B9D2: variants seen among roughly 807,000 people sequenced by gnomAD.
B9D2 encodes B9 domain-containing protein 2.
In B9D2, 21 loss-of-function variants were observed where a neutral mutation model predicts 19.2. That is an observed-to-expected ratio of 1.09 (90% CI 0.78 to 1.58). B9D2 has a LOEUF of 1.58. Among genes scored for constraint, B9D2 ranks in the 40% most tolerant of loss-of-function variants. B9D2 has a pLI of 0.00. For synonymous variants in B9D2, 91 were observed against 100.6 expected (o/e 0.90, Z 0.57); for missense variants, 221 against 244.3 (o/e 0.90, Z 0.64).
At position 41,354,886 on chromosome 19, in the gene B9D2, C is replaced by G. The variant is rs1024248441; in HGVS notation, c.342G>C (p.Arg114=). ...GTHQLACPTW[R]PLGSWREQLA... ...ACTGTTCTCGCCAACTGCCCAGGGG[C>G]CGCCACGTGGGGCAGGCCAGCTGGT... The change falls in exon 4 of 4, where the codon CGG becomes CGC. Residue 114 remains arginine, a synonymous_variant. Coordinates refer to ENST00000243578, the MANE Select transcript of B9D2 (RefSeq NM_030578.4). 3 of 1,613,636 alleles carry G rather than the reference C, an allele frequency of 1.9e-6. No individual in the cohort carries two copies. The African/African-American group carries it at 4.0e-5, about 22-fold the overall frequency.
intron 3 of B9D2, among the ~76,000 whole-genome samples, chr19:41,356,999 C>T (rs932593242): frequency 2.0e-5 from 3 of 152,210 alleles, no homozygotes; most frequent in African/African-American, 4.8e-5. Flanking sequence ...CCCGCTCTCC[C>T]TCAATCCACT....
Position 41,361,836 on chromosome 19 carries a change from T to C in B9D2, c.88+1596A>G, listed in dbSNP as rs1359007979. 3.2e-5 allele frequency among the ~76,000 whole-genome samples: 2 copies of C among 63,000 alleles called. 1 individual carries two copies. The highest frequency in any genetic ancestry group is 3.2e-4 in the Admixed American group (2 of 6,348). 41.3% of individuals were successfully genotyped at this position (63,000 alleles called of 152,430 possible). ...GGCTCACGCCTGTAATCCCAGCACT[T>C]TGGAAGGCCTACGCAGGCGGATCAC... On this transcript the variant is annotated intron_variant, in intron 2 of 3. Transcript: ENST00000243578.
chr19:41,355,988 G>A (rs1399136642), intron 3 of B9D2, among the ~76,000 whole-genome samples: 2 of 152,170 alleles, frequency 1.3e-5, no homozygotes, highest in Non-Finnish European at 2.9e-5. Flanking sequence ...GGACTGTCTG[G>A]TGGGGACAGT....
In B9D2 at chr19:41,354,817, C is replaced by T; in HGVS notation, c.411G>A (p.Gly137=). The T allele has an allele frequency of 6.2e-7, 1 of 1,614,044 alleles. No individual in the cohort carries two copies. The highest frequency in any genetic ancestry group is 1.1e-5 in the South Asian group (1 of 91,090). Residue 137 remains glycine, a synonymous_variant, in exon 4 of 4, where the codon GGG becomes GGA. Transcript: ENST00000243578. ...FVGGGPQLLH[G]DTIYSGADRY... is the part of the protein sequence containing the mutation. ...GGTCGGCCCCACTGTAGATGGTGTC[C>T]CCATGCAGCAGCTGCGGCCCACCAC... is the stretch of plus-strand genomic sequence containing the variant.
chr19:41,359,676 C>T (rs976023578), intron 2 of B9D2, among the ~76,000 whole-genome samples: 24 of 151,710 alleles, frequency 1.6e-4, no homozygotes, highest in African/African-American at 4.8e-4. Flanking sequence ...GCACTCCAGC[C>T]TGGGCAACAA....
chr19:41,362,272 C>T (rs2038419739), intron 2 of B9D2, among the ~76,000 whole-genome samples: 1 of 150,284 alleles, frequency 6.7e-6, no homozygotes, highest in African/African-American at 2.5e-5. Context: ...CGCCTGTAGT[C>T]CCAGCTATGC....
rs943347731 is a variant in B9D2 at position 41,363,999 on chromosome 19, G to C, written c.-46C>G. 1 of 210,000 alleles carries C rather than the reference G, an allele frequency of 4.8e-6. No individual in the cohort carries two copies. The allele number at this position is 210,000 out of a possible 1,614,324, so 13.0% of individuals were successfully genotyped here. ...GTTAGGAGAGGAGAAAGCGGCAACCGGGGTTGTAGTTCATGGGCTTGACTG... is the reference window on the plus strand; with the variant it reads ...GTTAGGAGAGGAGAAAGCGGCAACCCGGGTTGTAGTTCATGGGCTTGACTG... On this transcript the variant is annotated 5_prime_UTR_variant, in exon 1 of 4. Coordinates refer to ENST00000243578, the MANE Select transcript of B9D2 (RefSeq NM_030578.4).
chr19:41,363,298 G>T, intron 2 of B9D2, 134 bp downstream of exon 2: 1 of 855,096 alleles, frequency 1.2e-6, no homozygotes, highest in Non-Finnish European at 1.9e-6. Context: ...TGTGGACAGG[G>T]TGTGGGCTGG....
At chr19:41,363,803 G>A (rs1034194481) in intron 1 of B9D2, among the ~76,000 whole-genome samples, 155 bp downstream of exon 1, 1 of 152,206 alleles carries the variant, frequency 6.6e-6, no homozygotes, top group Admixed American at 6.5e-5. Flanking sequence ...CGCCCGAAGG[G>A]GCTATGGCTC....
intron 2 of B9D2, among the ~76,000 whole-genome samples, chr19:41,359,557 G>T (rs1014243697): frequency 6.6e-6 from 1 of 152,050 alleles, no homozygotes; most frequent in African/African-American, 2.4e-5. Context: ...ACAAAAATTA[G>T]CTGGGTGTGG....
rs199601180 is a variant in B9D2, at chr19:41,363,536, A to G, written c.-4-13T>C. On this transcript the variant is annotated splice_polypyrimidine_tract_variant and intron_variant, in intron 1 of 3. Transcript: ENST00000243578. ...CTCAGCCATGGCCCTGGGAGGGGAA[A>G]AATATAATCACAACCCTGTGAGGTA... is the stretch of plus-strand genomic sequence containing the variant. 7 of 1,610,134 alleles carry G rather than the reference A, an allele frequency of 4.3e-6. No individual in the cohort carries two copies. The African/African-American group carries it at 8.0e-5, about 18-fold the overall frequency.
chr19:41,358,019 G>A lies in B9D2; in HGVS notation c.92C>T (p.Ala31Val), dbSNP rs751469905. 1.2e-5 allele frequency: 19 copies of A among 1,614,060 alleles called. No individual in the cohort carries two copies. The highest frequency in any genetic ancestry group is 2.2e-5 in the East Asian group (1 of 44,880). Residue 31 changes from alanine (A) to valine (V), a missense_variant, in exon 3 of 4, where the codon GCG becomes GTG. Ala to Val is a moderately conservative substitution (Grantham distance 64, BLOSUM62 0). Transcript: ENST00000243578. Reference sequence around the variant, plus strand: ...CACGCCTGACAGGAGCTTCCATGCCGCCCCTGCAGTGAGAGCCGGGACATA... The same window carrying A: ...CACGCCTGACAGGAGCTTCCATGCCACCCCTGCAGTGAGAGCCGGGACATA... ...LFCKWGIHTG[A>V]AWKLLSGVRE... is the part of the protein sequence containing the mutation.
intron 2 of B9D2, among the ~76,000 whole-genome samples, chr19:41,358,498 A>ATAACCCACTAATCCAT (rs1377567232): frequency 6.6e-6 from 1 of 152,080 alleles, no homozygotes; most frequent in Non-Finnish European, 1.5e-5. Context: ...CTCTCCCATG[A>ATAACCCACTAATCCAT]TAACCCACTA....
At chr19:41,361,606 G>A in intron 2 of B9D2, among the ~76,000 whole-genome samples, 1 of 148,310 alleles carries the variant, frequency 6.7e-6, no homozygotes, top group African/African-American at 2.5e-5. Flanking sequence ...TGGCCGACAT[G>A]GTGAAACCCC....
rs1404362296 is a variant in B9D2 at position 41,354,518 on chromosome 19, A to G, written c.*182T>C. Reference sequence around the variant, plus strand: ...CCCATACATTTACTGTCCCCAATTTACAGATAGGGAAACTGGGCCCAGAGG... The same window carrying G: ...CCCATACATTTACTGTCCCCAATTTGCAGATAGGGAAACTGGGCCCAGAGG... On this transcript the variant is annotated 3_prime_UTR_variant, in exon 4 of 4. Transcript: ENST00000243578. The G allele has an allele frequency of 5.3e-6, 4 of 758,944 alleles. No homozygotes were observed. Among genetic ancestry groups the G allele is most frequent in the African/African-American group, 1.7e-5 (1 of 57,942 alleles). 47.0% of individuals were successfully genotyped at this position (758,944 alleles called of 1,614,324 possible).
At chr19:41,356,641 C>T (rs1446869985) in intron 3 of B9D2, among the ~76,000 whole-genome samples, 4 of 151,324 alleles carry the variant, frequency 2.6e-5, no homozygotes, top group Non-Finnish European at 2.9e-5. Context: ...GTCAGGAGTT[C>T]GAGACCAGCC....
At chr19:41,363,681 T>C (rs541024742) in intron 1 of B9D2, among the ~76,000 whole-genome samples, 158 bp from the exon 2 acceptor site, 4 of 152,316 alleles carry the variant, frequency 2.6e-5, no homozygotes, top group African/African-American at 4.8e-5. Flanking sequence ...CAGATCCTAA[T>C]TGCCAACCCA....
chr19:41,356,715 G>T (rs1192863902), intron 3 of B9D2, among the ~76,000 whole-genome samples: 1 of 151,916 alleles, frequency 6.6e-6, no homozygotes, highest in Non-Finnish European at 1.5e-5. Flanking sequence ...GCCAGATGTG[G>T]TGGCACGTGG....
intron 2 of B9D2, among the ~76,000 whole-genome samples, chr19:41,362,079 A>AG (rs2038413575): frequency 2.5e-5 from 2 of 79,122 alleles, no homozygotes; most frequent in African/African-American, 1.4e-4. Flanking sequence ...ACTCTGTCTC[A>AG]AAAAAAAAAA....
Sources: gnomAD v4.1 joint callset for allele counts (sites outside exome capture counted in the v4.1 genomes callset) on GRCh38, gnomAD v4.1.1 for gene constraint, MANE v1.5 for transcripts, NCBI Gene and HGNC (gene_info 2026-07-23, HGNC 2026-07-21) for gene names.